Variants in PHLDB2 observed in about 807,000 individuals in gnomAD.
The protein encoded by PHLDB2 is pleckstrin homology like domain family B member 2, also known as pleckstrin homology-like domain family B member 2.
In PHLDB2, 71 loss-of-function variants were observed where a neutral mutation model predicts 123.6. That is an observed-to-expected ratio of 0.57 (90% CI 0.47 to 0.70). The LOEUF is 0.70. Ranked by LOEUF, PHLDB2 falls within the 30% of genes least tolerant of loss-of-function variation. PHLDB2 has a pLI of 0.00. For synonymous variants in PHLDB2, 547 were observed against 541.6 expected (o/e 1.01, Z -0.14); for missense variants, 1,446 against 1,519.5 (o/e 0.95, Z 0.80).
intron 2 of PHLDB2, chr3:111,911,574 C>T: frequency 6.6e-7 from 1 of 1,520,828 alleles, no homozygotes; most frequent in Admixed American, 2.0e-5. Context: ...CTGGTGGAAA[C>T]TGAAGAGATA....
Position 111,945,365 on chromosome 3 carries a change from A to C in PHLDB2, c.2487+8A>C. On this transcript the variant is annotated splice_region_variant and intron_variant, in intron 9 of 17. Coordinates refer to ENST00000431670, the MANE Select transcript of PHLDB2 (RefSeq NM_001134438.2). ...CCCAATACTTTAAAAGAGGTAAGCT[A>C]TGATTTTACATGTCGCTTTATGTTG... 1 of 1,553,672 alleles carries C rather than the reference A, an allele frequency of 6.4e-7. No individual in the cohort carries two copies.
intron 2 of PHLDB2, among the ~76,000 whole-genome samples, chr3:111,908,616 A>C (rs752917403): frequency 1.4e-4 from 22 of 152,112 alleles, no homozygotes; most frequent in Non-Finnish European, 2.9e-4. Context: ...TGCTTTTCAC[A>C]CTTCATTGGC....
intron 8 of PHLDB2, among the ~76,000 whole-genome samples, chr3:111,944,233 G>C (rs1219660768): frequency 1.3e-5 from 2 of 152,166 alleles, no homozygotes; most frequent in Non-Finnish European, 2.9e-5. Flanking sequence ...TTGCTCATAA[G>C]GGTGGAAGTT....
intron 2 of PHLDB2, among the ~76,000 whole-genome samples, chr3:111,897,711 C>T (rs114690794): frequency 6.6e-6 from 1 of 152,296 alleles, no homozygotes; most frequent in African/African-American, 2.4e-5. Context: ...TATAGAATAA[C>T]AAGCTGAAGC....
At chr3:111,760,475 A>T (rs1042773274) in intron 1 of PHLDB2, among the ~76,000 whole-genome samples, 1 of 152,180 alleles carries the variant, frequency 6.6e-6, no homozygotes, top group Non-Finnish European at 1.5e-5. Flanking sequence ...CTATTTTTCA[A>T]TTAGGAAAAG....
At chr3:111,945,840 T>C (rs2070265645) in intron 9 of PHLDB2, among the ~76,000 whole-genome samples, 1 of 152,108 alleles carries the variant, frequency 6.6e-6, no homozygotes, top group Non-Finnish European at 1.5e-5. Context: ...CTGTTGTTTC[T>C]GCCATTTTCC....
chr3:111,868,100 A>G (rs1405517290), intron 1 of PHLDB2, among the ~76,000 whole-genome samples: 2 of 151,972 alleles, frequency 1.3e-5, no homozygotes, highest in East Asian at 3.9e-4. Context: ...CCTGGGCTCA[A>G]GTGATCCCCC....
chr3:111,902,487 AT>A (rs2067255215), intron 2 of PHLDB2, among the ~76,000 whole-genome samples: 1 of 152,138 alleles, frequency 6.6e-6, no homozygotes, highest in Non-Finnish European at 1.5e-5. Context: ...ATAAATAAAC[AT>A]TACTTTAGCA....
chr3:111,960,798 A>G (rs1007304616), intron 12 of PHLDB2, among the ~76,000 whole-genome samples: 1 of 152,226 alleles, frequency 6.6e-6, no homozygotes, highest in African/African-American at 2.4e-5. Context: ...TCGAGTAGAC[A>G]TTCTCTTATC....
chr3:111,855,494 C>T (rs961101016), upstream of PHLDB2, among the ~76,000 whole-genome samples: 2 of 83,948 alleles, frequency 2.4e-5, no homozygotes, highest in African/African-American at 9.0e-5. Flanking sequence ...TTCTTTGCTT[C>T]CTTCCTTCTT....
At chr3:111,934,791 CAT>C (rs758447155) in intron 6 of PHLDB2, among the ~76,000 whole-genome samples, 2 of 152,160 alleles carry the variant, frequency 1.3e-5, no homozygotes, top group African/African-American at 4.8e-5. Context: ...TAACTCATCT[CAT>C]GTGGAAAAAG....
chr3:111,749,329 A>G (rs1470685650), intron 1 of PHLDB2, among the ~76,000 whole-genome samples: 1 of 152,126 alleles, frequency 6.6e-6, no homozygotes, highest in Admixed American at 6.5e-5. Context: ...CAAAAAAAAA[A>G]TCTGTGAGGA....
At chr3:111,962,743 A>G (rs1286739493) in intron 13 of PHLDB2, among the ~76,000 whole-genome samples, 1 of 152,110 alleles carries the variant, frequency 6.6e-6, no homozygotes, top group Non-Finnish European at 1.5e-5. Context: ...CAGCCAGACC[A>G]ACATGGTGAA....
chr3:111,866,014 A>ATTTGTTTTTTTTTTTTTT (rs2065052964), intron 1 of PHLDB2, among the ~76,000 whole-genome samples: 1 of 57,430 alleles, frequency 1.7e-5, no homozygotes, highest in Non-Finnish European at 3.0e-5. Flanking sequence ...CCACCCACTC[A>ATTTGTTTTTTTTTTTTTT]TTTTTTTTTT....
intron 2 of PHLDB2, among the ~76,000 whole-genome samples, chr3:111,894,165 G>GT (rs2066677204): frequency 6.8e-6 from 1 of 146,896 alleles, no homozygotes; most frequent in East Asian, 2.0e-4. Context: ...GCGGTGTTTG[G>GT]TTTTTTGTTC....
In PHLDB2 at chr3:111,945,339, C is replaced by A; in HGVS notation, c.2469C>A (p.Asn823Lys). 1.9e-6 allele frequency: 3 copies of A among 1,604,134 alleles called. No homozygotes were observed. Among genetic ancestry groups the A allele is most frequent in the East Asian group, 2.2e-5 (1 of 44,812 alleles). The change falls in exon 9 of 18, where the codon AAC becomes AAA. Residue 823 changes from asparagine (N) to lysine (K), a missense_variant. This residue lies in a region of PHLDB2 where 594 missense variants were observed against 646.0 expected (regional missense o/e 0.92). Coordinates refer to ENST00000431670, the MANE Select transcript of PHLDB2 (RefSeq NM_001134438.2). ...SLSGGKGFPVNPNTLKEGYIS... is the reference protein window; with the variant it reads ...SLSGGKGFPVKPNTLKEGYIS... ...CTGGGGGGAAAGGGTTTCCCGTTAACCCCAATACTTTAAAAGAGGTAAGCT... is the reference window on the plus strand; with the variant it reads ...CTGGGGGGAAAGGGTTTCCCGTTAAACCCAATACTTTAAAAGAGGTAAGCT...
At chr3:111,831,032 AG>A (rs869277143) in intron 1 of PHLDB2, among the ~76,000 whole-genome samples, 4,673 of 61,914 alleles carry the variant, frequency 0.075, 539 homozygotes, top group Middle Eastern at 0.21. Flanking sequence ...AAAGAAAGAA[AG>A]GAAGGAAGGA....
chr3:111,962,336 T>TTTC, intron 13 of PHLDB2, 24 bp downstream of exon 13: 1 of 1,588,578 alleles, frequency 6.3e-7, no homozygotes, highest in African/African-American at 1.4e-5. Flanking sequence ...ATGGGTAAGG[T>TTTC]TTCTGGTTTG....
intron 12 of PHLDB2, among the ~76,000 whole-genome samples, chr3:111,960,786 A>G (rs1476349165): frequency 6.6e-6 from 1 of 152,232 alleles, no homozygotes; most frequent in Non-Finnish European, 1.5e-5. Flanking sequence ...AATGGAAACT[A>G]TTCGAGTAGA....
Sources: gnomAD v4.1 joint callset for allele counts (sites outside exome capture counted in the v4.1 genomes callset) on GRCh38, gnomAD v4.1.1 for gene constraint, gnomAD v4.1.1 regional missense constraint, MANE v1.5 for transcripts, NCBI Gene and HGNC (gene_info 2026-07-23, HGNC 2026-07-21) for gene names.